The following OPCML variants were observed in gnomAD, a reference collection of about 807,000 sequenced individuals.
OPCML encodes opioid binding protein/cell adhesion molecule like, also known as opioid-binding protein/cell adhesion molecule.
OPCML carries 13 observed loss-of-function variants against 37.8 expected under a neutral mutation model. The ratio of observed to expected loss-of-function variants is 0.34; its 90% CI spans 0.22 to 0.55. The LOEUF is 0.55. Ranked by LOEUF, OPCML falls within the 20% of genes least tolerant of loss-of-function variation. OPCML has a pLI of 0.91. For missense variants in OPCML, 341 were observed against 435.6 expected, an observed-to-expected ratio of 0.78 and a Z score of 1.93; for synonymous variants, 176 against 168.8, an observed-to-expected ratio of 1.04 and a Z score of -0.33.
chr11:133,322,083 T>TA, intron 1 of OPCML, among the ~76,000 whole-genome samples: 1 of 152,246 alleles, frequency 6.6e-6, no homozygotes, highest in Non-Finnish European at 1.5e-5. Flanking sequence ...GCTGCTAGTT[T>TA]AAAAAAATAA....
At chr11:133,470,340 A>G (rs1228004717) in intron 1 of OPCML, among the ~76,000 whole-genome samples, 2 of 152,200 alleles carry the variant, frequency 1.3e-5, no homozygotes, top group African/African-American at 2.4e-5. Flanking sequence ...TAATGAGTCT[A>G]TTAGAATTAA....
chr11:132,498,540 A>G (rs1033709091), intron 4 of OPCML, among the ~76,000 whole-genome samples: 4 of 152,334 alleles, frequency 2.6e-5, no homozygotes, highest in African/African-American at 4.8e-5. Context: ...TCTAAAACCA[A>G]TGTCTAAGGA....
intron 1 of OPCML, among the ~76,000 whole-genome samples, chr11:133,327,811 C>T (rs1943511811): frequency 2.6e-5 from 4 of 152,142 alleles, no homozygotes; most frequent in Admixed American, 1.3e-4. Flanking sequence ...GGTACAGCTA[C>T]TACTCGGAGG....
chr11:133,104,366 G>A (rs527450442), intron 1 of OPCML, among the ~76,000 whole-genome samples: 15 of 152,282 alleles, frequency 9.9e-5, no homozygotes, highest in Non-Finnish European at 1.8e-4. Context: ...TCAGAGTCTA[G>A]CTCACCCAAG....
intron 1 of OPCML, among the ~76,000 whole-genome samples, chr11:133,235,687 G>A (rs939746720): frequency 6.6e-6 from 1 of 152,144 alleles, no homozygotes; most frequent in Non-Finnish European, 1.5e-5. Flanking sequence ...TACTCCTTGA[G>A]GTCCTAAACC....
chr11:132,737,496 T>A (rs1372412990), intron 2 of OPCML, among the ~76,000 whole-genome samples: 1 of 152,224 alleles, frequency 6.6e-6, no homozygotes, highest in African/African-American at 2.4e-5. Context: ...AAATTTATAA[T>A]TTCCATCCTA....
Position 133,208,260 on chromosome 11 carries a change from T to G in OPCML, c.62-265250A>C, listed in dbSNP as rs1041749683. 1.3e-5 allele frequency among the ~76,000 whole-genome samples: 2 copies of G among 152,206 alleles called. No homozygotes were observed. Among genetic ancestry groups the G allele is most frequent in the African/African-American group, 4.8e-5 (2 of 41,448 alleles). ...TGTATTACATTGCATTGCACTGTATTGTTGTATTACCACGTATAAATACCA... is the reference window on the plus strand; with the variant it reads ...TGTATTACATTGCATTGCACTGTATGGTTGTATTACCACGTATAAATACCA... On this transcript the variant is annotated intron_variant, in intron 1 of 7. Coordinates refer to ENST00000524381, the MANE Select transcript of OPCML (RefSeq NM_001012393.5). The surrounding 1 kb of genome is among the most constrained non-coding windows in gnomAD (Gnocchi z 8.9).
chr11:133,084,941 C>T (rs567950625), intron 1 of OPCML, among the ~76,000 whole-genome samples: 2 of 152,196 alleles, frequency 1.3e-5, no homozygotes, highest in African/African-American at 4.8e-5. Context: ...GTTCAAAGTC[C>T]GACTCTGCTT....
At chr11:132,421,238 C>A (rs899269947) in intron 7 of OPCML, among the ~76,000 whole-genome samples, 2 of 152,150 alleles carry the variant, frequency 1.3e-5, no homozygotes, top group Admixed American at 6.5e-5. Context: ...GAGCCAGCAG[C>A]AAGTGTATCC....
At chr11:132,765,542 CT>C (rs1443303941) in intron 2 of OPCML, among the ~76,000 whole-genome samples, 1 of 152,074 alleles carries the variant, frequency 6.6e-6, no homozygotes, top group African/African-American at 2.4e-5. Flanking sequence ...CTGTTTGCTC[CT>C]GAATTTAGCC....
chr11:132,909,561 C>A (rs1356914986), intron 2 of OPCML, among the ~76,000 whole-genome samples: 1 of 152,212 alleles, frequency 6.6e-6, no homozygotes, highest in Non-Finnish European at 1.5e-5. Context: ...ACAGAACCTG[C>A]AAGAAGAGCC....
intron 3 of OPCML, among the ~76,000 whole-genome samples, chr11:132,599,390 AGGAAGAAG>A (rs1937682679): frequency 1.7e-5 from 2 of 116,966 alleles, no homozygotes; most frequent in Non-Finnish European, 3.2e-5. Context: ...AGGAAGAAGG[AGGAAGAAG>A]GAGGAAGAAG....
At chr11:133,089,084 T>C (rs1183076529) in intron 1 of OPCML, among the ~76,000 whole-genome samples, 2 of 152,202 alleles carry the variant, frequency 1.3e-5, no homozygotes, top group African/African-American at 2.4e-5. Flanking sequence ...AATCGTTGGA[T>C]CTAAGCCAAT....
At chr11:133,458,575 G>C (rs533783545) in intron 1 of OPCML, among the ~76,000 whole-genome samples, 1 of 78,660 alleles carries the variant, frequency 1.3e-5, no homozygotes, top group East Asian at 3.2e-4. Flanking sequence ...ATATATACAC[G>C]TGTGTGTACA....
intron 1 of OPCML, among the ~76,000 whole-genome samples, chr11:133,034,396 C>CACTGCATAT (rs1947737256): frequency 1.3e-5 from 2 of 151,872 alleles, no homozygotes; most frequent in Non-Finnish European, 1.5e-5. Flanking sequence ...CTGTATATGA[C>CACTGCATAT]ACTGAAAAGC....
intron 1 of OPCML, among the ~76,000 whole-genome samples, chr11:133,531,411 G>C (rs2120774924): frequency 6.6e-6 from 1 of 152,280 alleles, no homozygotes; most frequent in East Asian, 1.9e-4. Context: ...GGTGGGGAAG[G>C]GGCTGGGGAG....
chr11:133,446,876 C>T (rs1011330875), intron 1 of OPCML, among the ~76,000 whole-genome samples: 1 of 152,166 alleles, frequency 6.6e-6, no homozygotes, highest in Non-Finnish European at 1.5e-5. Flanking sequence ...TCAGTAGTTT[C>T]TTTCTATTGT....
intron 1 of OPCML, among the ~76,000 whole-genome samples, chr11:132,995,856 G>A (rs905543618): frequency 6.6e-6 from 1 of 152,144 alleles, no homozygotes; most frequent in Non-Finnish European, 1.5e-5. Flanking sequence ...AGATTCCAAG[G>A]GTGAAAGAAG....
At position 133,006,765 on chromosome 11, in the gene OPCML, C is replaced by T. The variant is rs117176068; in HGVS notation, c.62-63755G>A. Reference sequence around the variant, plus strand: ...GAACACCTAGACATTGGCCTGACAACGCCTGCCCCATGCACACAGCAGGTC... The same window carrying T: ...GAACACCTAGACATTGGCCTGACAATGCCTGCCCCATGCACACAGCAGGTC... On this transcript the variant is annotated intron_variant, in intron 1 of 7. Transcript: ENST00000524381. 2.7e-4 allele frequency: 269 copies of T among 985,424 alleles called. 2 individuals are homozygous for T. The East Asian group carries it at 0.022, about 80-fold the overall frequency. 61.0% of individuals were successfully genotyped at this position (985,424 alleles called of 1,614,324 possible).
Sources: allele counts gnomAD v4.1 joint callset (sites outside exome capture counted in the v4.1 genomes callset), GRCh38; gene constraint gnomAD v4.1.1; non-coding constraint Gnocchi (gnomAD v3.1); transcripts MANE v1.5; gene names NCBI Gene and HGNC (gene_info 2026-07-23, HGNC 2026-07-21).